The following HMGA2 variants were observed in gnomAD, a reference collection of about 807,000 sequenced individuals.
The protein encoded by HMGA2 is high mobility group protein HMGI-C.
A neutral mutation model predicts 19.1 loss-of-function variants in HMGA2; 8 were observed. The ratio of observed to expected loss-of-function variants is 0.42; its 90% CI spans 0.25 to 0.76. The LOEUF (loss-of-function observed/expected upper bound fraction) is 0.76, where lower values mean the gene tolerates loss of function less well. Ranked by LOEUF, HMGA2 falls within the 30% of genes least tolerant of loss-of-function variation. HMGA2 has a pLI of 0.28. For synonymous variants in HMGA2, 60 were observed against 48.8 expected (o/e 1.23, Z -0.96); for missense variants, 109 against 136.3 (o/e 0.80, Z 1.00).
chr12:65,872,274 T>C lies in HMGA2; in HGVS notation c.249+33705T>C, dbSNP rs148469415. Among the ~76,000 whole-genome samples the C allele has an allele frequency of 1.7e-3, 263 of 152,288 alleles. 2 individuals carry two copies. Among genetic ancestry groups the C allele is most frequent in the African/African-American group, 6.2e-3 (259 of 41,554 alleles). ...CTGACACATCAGCCGTGCCTCCTTA[T>C]TTCACACTTGCCTTCCTTGGATGCC... On this transcript the variant is annotated intron_variant, in intron 3 of 4. Coordinates refer to ENST00000403681, the MANE Select transcript of HMGA2 (RefSeq NM_003483.6).
chr12:65,883,390 C>T lies in HMGA2; in HGVS notation c.249+44821C>T, dbSNP rs561894516. On this transcript the variant is annotated intron_variant, in intron 3 of 4. Transcript: ENST00000403681. ...ATAACAACAATACCATTTCTTGAGC[C>T]CTTACTGGGTGTCTGGTATTGTGCA... is the stretch of plus-strand genomic sequence containing the variant. 5.3e-5 allele frequency among the ~76,000 whole-genome samples: 8 copies of T among 152,234 alleles called. No homozygotes were observed. The South Asian group carries it at 1.7e-3, about 32-fold the overall frequency.
intron 3 of HMGA2, among the ~76,000 whole-genome samples, chr12:65,929,494 T>C (rs954632737): frequency 6.6e-6 from 1 of 150,984 alleles, no homozygotes; most frequent in African/African-American, 2.4e-5. Flanking sequence ...ATATATGTAA[T>C]ATATATCATA....
intron 3 of HMGA2, chr12:65,914,745 G>T (rs186489616): frequency 2.7e-6 from 1 of 363,772 alleles, no homozygotes; most frequent in African/African-American, 2.1e-5. Context: ...TACAATCTCG[G>T]CTCATTGCAA....
intron 3 of HMGA2, among the ~76,000 whole-genome samples, chr12:65,927,065 T>C (rs1198800687): frequency 6.6e-6 from 1 of 152,126 alleles, no homozygotes; most frequent in African/African-American, 2.4e-5. Flanking sequence ...AGTTGCAGTG[T>C]TTCATGGCCT....
intron 3 of HMGA2, among the ~76,000 whole-genome samples, chr12:65,878,983 G>A (rs899314879): frequency 1.3e-5 from 2 of 152,178 alleles, no homozygotes; most frequent in Admixed American, 1.3e-4. Flanking sequence ...CCTTTGTAAA[G>A]ATATCCTATA....
rs1202549037 is a variant in HMGA2, at chr12:65,835,387, TG to T, written c.199-3129del. 9.2e-5 allele frequency among the ~76,000 whole-genome samples: 14 copies of T among 152,320 alleles called. No individual in the cohort carries two copies. The East Asian group carries it at 2.5e-3, about 27-fold the overall frequency. ...GTTTGATTAGAATGATTAAATAATG[TG>T]GGTTTTAAAGAACAATGAAAACCTC... On this transcript the variant is annotated intron_variant, in intron 2 of 4. Transcript: ENST00000403681.
chr12:65,837,882 G>C (rs1313294432), intron 2 of HMGA2, among the ~76,000 whole-genome samples: 1 of 152,092 alleles, frequency 6.6e-6, no homozygotes, highest in Non-Finnish European at 1.5e-5. Flanking sequence ...GATGATTTCT[G>C]CCTGCTTTTT....
At chr12:65,934,545 G>A (rs1039251284) in intron 3 of HMGA2, among the ~76,000 whole-genome samples, 1 of 152,046 alleles carries the variant, frequency 6.6e-6, no homozygotes, top group African/African-American at 2.4e-5. Context: ...GAGAGCCTTG[G>A]CCTCTATGTT....
intron 3 of HMGA2, among the ~76,000 whole-genome samples, chr12:65,872,387 G>A (rs892270024): frequency 3.3e-4 from 50 of 152,214 alleles, no homozygotes; most frequent in South Asian, 4.1e-4. Flanking sequence ...CCCTCTGCAC[G>A]TCGCTCGTCT....
chr12:65,914,853 T>A, intron 3 of HMGA2: 2 of 505,574 alleles, frequency 4.0e-6, no homozygotes, highest in South Asian at 3.6e-5. Context: ...TTTTGTATTT[T>A]TAGTAGAGAC....
At chr12:65,860,366 A>T (rs750287108) in intron 3 of HMGA2, among the ~76,000 whole-genome samples, 3 of 152,238 alleles carry the variant, frequency 2.0e-5, no homozygotes, top group Non-Finnish European at 4.4e-5. Context: ...TGGATATTTG[A>T]AGTATAATTT....
Position 65,966,044 on chromosome 12 carries a change from C to T in HMGA2, c.*2752C>T, listed in dbSNP as rs371955441. The T allele has an allele frequency of 2.3e-5, 5 of 220,350 alleles. No individual in the cohort carries two copies. Among genetic ancestry groups the T allele is most frequent in the East Asian group, 6.6e-5 (1 of 15,126 alleles). The allele number at this position is 220,350 out of a possible 1,614,324, so 13.6% of individuals were successfully genotyped here. A position where few individuals can be genotyped will look rare whatever the true frequency, so the allele number is the denominator to read the frequency against. On this transcript the variant is annotated 3_prime_UTR_variant, in exon 5 of 5. Transcript: ENST00000403681. Reference sequence around the variant, plus strand: ...TGTTTGCAGGAGAAAAGTATCAAGACGTTTAACTGCAGTTGACTTTCTCCC... The same window carrying T: ...TGTTTGCAGGAGAAAAGTATCAAGATGTTTAACTGCAGTTGACTTTCTCCC...
intron 3 of HMGA2, chr12:65,915,451 A>G (rs1875064513): frequency 7.2e-6 from 9 of 1,250,740 alleles, no homozygotes; most frequent in South Asian, 1.7e-5. Flanking sequence ...ACTCTCGTAC[A>G]GGGATCCACC....
chr12:65,888,860 G>A (rs1385881608), intron 3 of HMGA2, among the ~76,000 whole-genome samples: 3 of 147,658 alleles, frequency 2.0e-5, no homozygotes, highest in Admixed American at 6.7e-5. Context: ...ACGGCGCCCG[G>A]CCCCGTGGTG....
intron 3 of HMGA2, among the ~76,000 whole-genome samples, chr12:65,939,508 A>G (rs1402428747): frequency 1.3e-5 from 2 of 151,912 alleles, no homozygotes; most frequent in Admixed American, 1.3e-4. Flanking sequence ...GGCACCCACC[A>G]CCACACCTGG....
intron 2 of HMGA2, among the ~76,000 whole-genome samples, chr12:65,829,431 T>C (rs186765629): frequency 6.6e-5 from 10 of 152,240 alleles, no homozygotes; most frequent in Non-Finnish European, 7.4e-5. Flanking sequence ...ATTTGTTTCA[T>C]TTTATCTCAT....
At position 65,825,801 on chromosome 12, in the gene HMGA2, G is replaced by T. The variant is rs1035251607; in HGVS notation, c.111+420G>T. ...TGCCGGGGACCCGGGCGCTTCGGCC[G>T]ATCTGGGCTGAAGGGGCTAGAGTCT... On this transcript the variant is annotated intron_variant, in intron 1 of 4. Coordinates refer to ENST00000403681, the MANE Select transcript of HMGA2 (RefSeq NM_003483.6). This position sits in a 1 kb window ranked among gnomAD's most constrained non-coding sequence, Gnocchi z 4.4. Among the ~76,000 whole-genome samples the T allele has an allele frequency of 1.1e-4, 16 of 152,094 alleles. No homozygotes were observed. Among genetic ancestry groups the T allele is most frequent in the African/African-American group, 3.9e-4 (16 of 41,450 alleles).
At chr12:65,945,688 A>G (rs1565739779) in intron 3 of HMGA2, among the ~76,000 whole-genome samples, 2 of 152,184 alleles carry the variant, frequency 1.3e-5, no homozygotes, top group Non-Finnish European at 2.9e-5. Flanking sequence ...GTTCATGGCC[A>G]TTTGGAGTGT....
At position 65,963,837 on chromosome 12, in the gene HMGA2, C is replaced by T. The variant is rs1555189582; in HGVS notation, c.*545C>T. The stretch of plus-strand genomic sequence containing the variant: ...GGACTAGATACTACTTTCTCTTTTT[C>T]GTATAATCTTGTAGACACTTACTTG... On this transcript the variant is annotated 3_prime_UTR_variant, in exon 5 of 5. Coordinates refer to ENST00000403681, the MANE Select transcript of HMGA2 (RefSeq NM_003483.6). The T allele has an allele frequency of 4.6e-6, 1 of 218,944 alleles. No homozygotes were observed. The highest frequency in any genetic ancestry group is 5.8e-5 in the Admixed American group (1 of 17,304). The allele number at this position is 218,944 out of a possible 1,614,324, so 13.6% of individuals were successfully genotyped here. A position where few individuals can be genotyped will look rare whatever the true frequency, so the allele number is the denominator to read the frequency against.
Sources: allele counts gnomAD v4.1 joint callset (sites outside exome capture counted in the v4.1 genomes callset), GRCh38; gene constraint gnomAD v4.1.1; non-coding constraint Gnocchi (gnomAD v3.1); transcripts MANE v1.5; gene names NCBI Gene and HGNC (gene_info 2026-07-23, HGNC 2026-07-21).